The following MAEA variants were observed in gnomAD, a reference collection of about 807,000 sequenced individuals.
MAEA encodes the protein E3 ubiquitin-protein transferase MAEA.
Under a neutral mutation model 46.2 loss-of-function variants are expected in MAEA, and 22 were observed. That is an observed-to-expected ratio of 0.48 (90% CI 0.34 to 0.68). The LOEUF is 0.68. Among genes scored for constraint, MAEA ranks in the 30% least tolerant of loss-of-function variants. The probability of loss-of-function intolerance (pLI) is 0.01; values close to 1 mark genes in which losing one functional copy is unlikely to be tolerated. For synonymous variants in MAEA, 246 were observed against 222.6 expected (o/e 1.11, Z -0.94); for missense variants, 393 against 558.1 (o/e 0.70, Z 2.98).
chr4:1,337,315 C>G, intron 7 of MAEA: 3 of 281,554 alleles, frequency 1.1e-5, no homozygotes, highest in Non-Finnish European at 1.2e-5. Flanking sequence ...ATAGTTTTCC[C>G]GTGTGATTAC....
intron 1 of MAEA, chr4:1,297,824 G>A (rs1734908834): frequency 2.9e-6 from 1 of 340,718 alleles, no homozygotes. Flanking sequence ...CCGCATTCTA[G>A]AGTATGTCTT....
rs1736446696 is a variant in MAEA, at chr4:1,311,143, G to GC, written c.70-833dup. On this transcript the variant is annotated intron_variant, in intron 1 of 8. Transcript: ENST00000303400. This position sits in a 1 kb window ranked among gnomAD's most constrained non-coding sequence, Gnocchi z 4.4. Reference sequence around the variant, plus strand: ...GGCACAGCTGCGACGGCAGAGTTGGGCCCACTGCTCTTGGGCGGCAGCACG... The same window carrying GC: ...GGCACAGCTGCGACGGCAGAGTTGGGCCCCACTGCTCTTGGGCGGCAGCACG... Among the ~76,000 whole-genome samples, 1 of 152,236 alleles carries GC rather than the reference G, an allele frequency of 6.6e-6. No homozygotes were observed. Among genetic ancestry groups the GC allele is most frequent in the African/African-American group, 2.4e-5 (1 of 41,468 alleles).
intron 1 of MAEA, 56 bp downstream of exon 1, chr4:1,290,038 C>G: frequency 2.1e-6 from 3 of 1,417,100 alleles, no homozygotes; most frequent in Non-Finnish European, 2.8e-6. Flanking sequence ...AGCCAGTGCC[C>G]TCGGGCCGCG....
chr4:1,336,885 C>T lies in MAEA; in HGVS notation c.790C>T (p.Arg264Trp), dbSNP rs1712838497. 3 of 1,613,920 alleles carry T rather than the reference C, an allele frequency of 1.9e-6. No homozygotes were observed. Among genetic ancestry groups the T allele is most frequent in the East Asian group, 2.2e-5 (1 of 44,886 alleles). ...YKDLLDPARWRMLIQQFRYDN... is the reference protein window; with the variant it reads ...YKDLLDPARWWMLIQQFRYDN... ...GGACCTTCTGGACCCTGCACGGTGG[C>T]GGATGCTGATCCAGCAGTTCCGGTA... is the stretch of plus-strand genomic sequence containing the variant. Residue 264 changes from arginine to tryptophan, a missense_variant, in exon 7 of 9, where the codon CGG becomes TGG. By Grantham distance (101) the Arg-to-Trp change is moderately radical. This residue lies in a region of MAEA where 358 missense variants were observed against 537.9 expected (regional missense o/e 0.67). Coordinates refer to ENST00000303400, the MANE Select transcript of MAEA (RefSeq NM_001017405.3).
At chr4:1,322,538 C>G (rs2335798) in intron 4 of MAEA, 35 bp downstream of exon 4, 3 of 1,609,110 alleles carry the variant, frequency 1.9e-6, no homozygotes, top group Admixed American at 3.3e-5. Flanking sequence ...GGGAGTGGGT[C>G]GGGGCCGAGG....
At chr4:1,329,529 C>T (rs1202515352) in intron 5 of MAEA, 3 of 985,220 alleles carry the variant, frequency 3.0e-6, no homozygotes, top group South Asian at 4.7e-5. Flanking sequence ...GCCAGCCGGG[C>T]AGGCATGGCA....
chr4:1,328,861 C>T lies in MAEA; in HGVS notation c.656+1158C>T, dbSNP rs1028604505. The T allele has an allele frequency of 4.8e-6, 5 of 1,038,680 alleles. No individual in the cohort carries two copies. In the African/African-American group the frequency reaches 6.8e-5, roughly 14 times the overall value. 64.3% of individuals were successfully genotyped at this position (1,038,680 alleles called of 1,614,324 possible). A position where few individuals can be genotyped will look rare whatever the true frequency, so the allele number is the denominator to read the frequency against. The stretch of plus-strand genomic sequence containing the variant: ...ACGCACGAGGGAGCCAGGCCTGCAA[C>T]GAGGTCCCTTCTGTGCCTGAGAGGG... On this transcript the variant is annotated intron_variant, in intron 5 of 8. Coordinates refer to ENST00000303400, the MANE Select transcript of MAEA (RefSeq NM_001017405.3).
At chr4:1,326,866 G>A (rs1460024466) in intron 4 of MAEA, among the ~76,000 whole-genome samples, 6 of 152,216 alleles carry the variant, frequency 3.9e-5, no homozygotes, top group African/African-American at 7.2e-5. Flanking sequence ...GCGGTCCCCC[G>A]TCCATAACCT....
At chr4:1,336,578 A>T (rs925414439) in intron 6 of MAEA, among the ~76,000 whole-genome samples, 6 of 151,982 alleles carry the variant, frequency 3.9e-5, no homozygotes, top group Non-Finnish European at 7.4e-5. Flanking sequence ...GAAATCAGAG[A>T]GTTAAGTCAG....
At chr4:1,290,092 G>A in intron 1 of MAEA, 110 bp downstream of exon 1, 1 of 719,006 alleles carries the variant, frequency 1.4e-6, no homozygotes, top group Non-Finnish European at 1.9e-6. Context: ...GGCGGGAGCT[G>A]GGCGCGGCCT....
intron 6 of MAEA, chr4:1,335,700 A>C (rs1712666111): frequency 1.0e-6 from 1 of 985,214 alleles, no homozygotes; most frequent in Non-Finnish European, 1.2e-6. Flanking sequence ...TTGAAACCAC[A>C]GAGTTAAGTC....
rs1479937065 is a variant in MAEA, at chr4:1,311,634, T to C, written c.70-345T>C. On this transcript the variant is annotated intron_variant, in intron 1 of 8. Coordinates refer to ENST00000303400, the MANE Select transcript of MAEA (RefSeq NM_001017405.3). This position sits in a 1 kb window ranked among gnomAD's most constrained non-coding sequence, Gnocchi z 4.4. The stretch of plus-strand genomic sequence containing the variant: ...CTGATCACCGGCCAGGCCTGTGTTT[T>C]ACCGTCTGATAGCCTCACACCCCGG... Among the ~76,000 whole-genome samples, 1 of 152,214 alleles carries C rather than the reference T, an allele frequency of 6.6e-6. No homozygotes were observed. The highest frequency in any genetic ancestry group is 1.5e-5 in the Non-Finnish European group (1 of 68,040).
chr4:1,319,078 G>T (rs534099784), intron 3 of MAEA, among the ~76,000 whole-genome samples: 1 of 152,218 alleles, frequency 6.6e-6, no homozygotes, highest in Non-Finnish European at 1.5e-5. Flanking sequence ...TAGGCTGGAC[G>T]CAGGGCTCTC....
intron 6 of MAEA, chr4:1,334,746 CAGAA>C (rs746652349): frequency 7.0e-6 from 3 of 428,652 alleles, no homozygotes; most frequent in Non-Finnish European, 9.3e-6. Flanking sequence ...AGGCAAGAAA[CAGAA>C]GGAAGCATTT....
chr4:1,318,594 G>C (rs1203068515), intron 3 of MAEA, among the ~76,000 whole-genome samples: 1 of 152,164 alleles, frequency 6.6e-6, no homozygotes. Context: ...GGTTCTTTCT[G>C]CTGAGATGCT....
chr4:1,330,602 A>C (rs969914354), intron 5 of MAEA: 2 of 152,206 alleles, frequency 1.3e-5, no homozygotes, highest in Non-Finnish European at 2.9e-5. Flanking sequence ...GGCGTGAGCC[A>C]CCGTGCCTGG....
intron 2 of MAEA, among the ~76,000 whole-genome samples, chr4:1,313,074 C>T (rs755360086): frequency 1.3e-5 from 2 of 152,160 alleles, no homozygotes; most frequent in Non-Finnish European, 2.9e-5. Flanking sequence ...TACAGCTCAG[C>T]GTGGGGTGTA....
intron 4 of MAEA, among the ~76,000 whole-genome samples, chr4:1,323,840 TG>T (rs1314474928): frequency 2.0e-5 from 3 of 152,208 alleles, no homozygotes; most frequent in African/African-American, 7.2e-5. Context: ...GAAGCTGCTG[TG>T]GGGACAGGCA....
At chr4:1,305,193 G>T (rs1395677745) in intron 1 of MAEA, among the ~76,000 whole-genome samples, 1 of 151,864 alleles carries the variant, frequency 6.6e-6, no homozygotes, top group Non-Finnish European at 1.5e-5. Context: ...GGTTTGCCCA[G>T]TTCACAGCCA....
Sources: allele counts gnomAD v4.1 joint callset (sites outside exome capture counted in the v4.1 genomes callset), GRCh38; gene constraint gnomAD v4.1.1; regional missense constraint gnomAD v4.1.1; non-coding constraint Gnocchi (gnomAD v3.1); transcripts MANE v1.5; gene names NCBI Gene and HGNC (gene_info 2026-07-23, HGNC 2026-07-21).